Variants in LYPD6B observed in about 807,000 individuals in gnomAD.
The protein encoded by LYPD6B is LY6/PLAUR domain containing 6B.
LYPD6B carries 17 observed loss-of-function variants against 22.8 expected under a neutral mutation model. The observed-to-expected ratio is 0.75, with a 90% CI of 0.51 to 1.12. The LOEUF (loss-of-function observed/expected upper bound fraction) is 1.12, where lower values mean the gene tolerates loss of function less well. LYPD6B is among the 50% of genes most tolerant of loss of function. The pLI is 0.00. For synonymous variants in LYPD6B, 106 were observed against 91.6 expected (o/e 1.16, Z -0.90); for missense variants, 221 against 258.3 (o/e 0.86, Z 0.99).
intron 3 of LYPD6B, among the ~76,000 whole-genome samples, chr2:149,166,617 T>C (rs1007110678): frequency 2.0e-5 from 3 of 152,132 alleles, no homozygotes; most frequent in African/African-American, 7.2e-5. Context: ...TTAAATCCCA[T>C]CCTTGTCTCT....
chr2:149,043,087 G>A (rs1401800113), intron 1 of LYPD6B, among the ~76,000 whole-genome samples: 2 of 152,162 alleles, frequency 1.3e-5, no homozygotes, highest in Admixed American at 6.5e-5. Context: ...GAATTGTTTA[G>A]TTTTGGTAGC....
At chr2:149,183,757 T>C (rs1224105046) in intron 3 of LYPD6B, among the ~76,000 whole-genome samples, 1 of 152,128 alleles carries the variant, frequency 6.6e-6, no homozygotes, top group Non-Finnish European at 1.5e-5. Context: ...TTATTTCTAG[T>C]TCCTCATATA....
rs115440084 is a variant in LYPD6B, at chr2:149,150,096, C to T, written c.6-10668C>T. 7.6e-3 allele frequency among the ~76,000 whole-genome samples: 1,157 copies of T among 152,290 alleles called. 2 individuals carry two copies. The highest frequency in any genetic ancestry group is 0.02 in the Middle Eastern group (6 of 294). On this transcript the variant is annotated intron_variant, in intron 2 of 6. Transcript: ENST00000409642. ...ACCCAACATGTACTGTGATCACCTA[C>T]TCCCTTCTTGTATATCTTCTCACTG...
chr2:149,160,896 G>A, intron 3 of LYPD6B, 61 bp downstream of exon 3: 1 of 1,229,740 alleles, frequency 8.1e-7, no homozygotes, highest in Non-Finnish European at 1.2e-6. Flanking sequence ...TGGTTAAGTT[G>A]TTGGGAATGG....
intron 2 of LYPD6B, among the ~76,000 whole-genome samples, chr2:149,133,643 A>T (rs1404223684): frequency 6.6e-6 from 1 of 152,188 alleles, no homozygotes; most frequent in Non-Finnish European, 1.5e-5. Context: ...TTACTGCAAG[A>T]TTAGCAGAAC....
intron 3 of LYPD6B, among the ~76,000 whole-genome samples, chr2:149,180,612 C>A (rs1025313547): frequency 6.6e-6 from 1 of 152,202 alleles, no homozygotes; most frequent in East Asian, 1.9e-4. Context: ...GCATCCTAAG[C>A]TTAATTTGTG....
intron 1 of LYPD6B, among the ~76,000 whole-genome samples, chr2:149,120,384 T>TATA (rs55814140): frequency 0.045 from 1,487 of 33,150 alleles, 16 homozygotes; most frequent in African/African-American, 0.06. Context: ...TATATATATA[T>TATA]TTTTTTTTTT....
intron 1 of LYPD6B, among the ~76,000 whole-genome samples, chr2:149,045,477 A>G (rs1159899577): frequency 4.0e-5 from 6 of 151,866 alleles, no homozygotes; most frequent in Admixed American, 2.0e-4. Flanking sequence ...GTACTCTTCT[A>G]TTTTTTAAGG....
intron 3 of LYPD6B, among the ~76,000 whole-genome samples, chr2:149,181,968 G>A (rs756886248): frequency 2.0e-5 from 3 of 152,258 alleles, no homozygotes; most frequent in South Asian, 2.1e-4. Flanking sequence ...CATGGCTGCC[G>A]TCTGGAATTC....
chr2:149,177,736 A>G (rs1356271751), intron 3 of LYPD6B, among the ~76,000 whole-genome samples: 1 of 152,040 alleles, frequency 6.6e-6, no homozygotes, highest in East Asian at 1.9e-4. Flanking sequence ...GAGACTGTTT[A>G]TAGGACTGAT....
At chr2:149,177,646 C>T (rs2105967165) in intron 3 of LYPD6B, among the ~76,000 whole-genome samples, 1 of 152,310 alleles carries the variant, frequency 6.6e-6, no homozygotes, top group South Asian at 2.1e-4. Flanking sequence ...GGCTAATGCT[C>T]TGTGGGCAAA....
chr2:149,108,650 AACTTTTG>A (rs1017953931), intron 1 of LYPD6B, among the ~76,000 whole-genome samples: 3 of 152,196 alleles, frequency 2.0e-5, no homozygotes, highest in Non-Finnish European at 2.9e-5. Context: ...GTTAGCTGAC[AACTTTTG>A]ACTTTCAGCA....
chr2:149,214,322 A>G (rs1694058283), intron 6 of LYPD6B, among the ~76,000 whole-genome samples: 1 of 152,042 alleles, frequency 6.6e-6, no homozygotes, highest in Non-Finnish European at 1.5e-5. Flanking sequence ...ATGCAGATAA[A>G]TCACAGTTAG....
intron 1 of LYPD6B, among the ~76,000 whole-genome samples, chr2:149,102,015 C>T (rs1489360403): frequency 6.6e-6 from 1 of 152,128 alleles, no homozygotes; most frequent in African/African-American, 2.4e-5. Context: ...GACATACCAG[C>T]CACAAAGAGA....
intron 2 of LYPD6B, among the ~76,000 whole-genome samples, chr2:149,159,679 A>G (rs568338395): frequency 2.0e-5 from 3 of 151,646 alleles, no homozygotes; most frequent in South Asian, 4.2e-4. Flanking sequence ...GAATTTTCTC[A>G]TACAATTGTG....
At chr2:149,210,191 C>T (rs969032935) in intron 5 of LYPD6B, among the ~76,000 whole-genome samples, 5 of 152,156 alleles carry the variant, frequency 3.3e-5, no homozygotes, top group Admixed American at 6.5e-5. Flanking sequence ...TTGACCAAAG[C>T]CATCTTAGCA....
chr2:149,045,597 T>C (rs1391231396), intron 1 of LYPD6B, among the ~76,000 whole-genome samples: 1 of 152,114 alleles, frequency 6.6e-6, no homozygotes, highest in African/African-American at 2.4e-5. Context: ...TATATTTGAA[T>C]TTTCACTTAG....
chr2:149,214,962 G>A lies in LYPD6B; in HGVS notation c.*252G>A. The A allele has an allele frequency of 3.9e-6, 2 of 513,358 alleles. No homozygotes were observed. The highest frequency in any genetic ancestry group is 7.0e-6 in the Non-Finnish European group (2 of 284,002). The allele number at this position is 513,358 out of a possible 1,614,324, so 31.8% of individuals were successfully genotyped here. A position where few individuals can be genotyped will look rare whatever the true frequency, so the allele number is the denominator to read the frequency against. On this transcript the variant is annotated 3_prime_UTR_variant, in exon 7 of 7. Transcript: ENST00000409642. ...TTCCTGGTCAAAGAGAGCTACGTTT[G>A]GGCAGTTCTGCAGAGAGGATCCTGG...
chr2:149,175,059 C>CTGTGTGTG (rs1281402106), intron 3 of LYPD6B, among the ~76,000 whole-genome samples: 134 of 116,256 alleles, frequency 1.2e-3, no homozygotes, highest in African/African-American at 3.8e-3. Flanking sequence ...CTCTCTCTCT[C>CTGTGTGTG]TCTGTGTGTG....
Sources: gnomAD v4.1 joint callset for allele counts (sites outside exome capture counted in the v4.1 genomes callset) on GRCh38, gnomAD v4.1.1 for gene constraint, MANE v1.5 for transcripts, NCBI Gene and HGNC (gene_info 2026-07-23, HGNC 2026-07-21) for gene names.